HEMK2: variants seen among roughly 807,000 people sequenced by gnomAD.
The protein encoded by HEMK2 is methyltransferase HEMK2.
At chr21:28,727,177 G>A in the HEMK2 span, among the ~76,000 whole-genome samples, 2 of 152,146 alleles carry the variant, frequency 1.3e-5, no homozygotes, top group African/African-American at 4.8e-5. Context: ...AGCAAATATA[G>A]GGGATTTGAG....
chr21:28,763,439 C>T, the HEMK2 span, among the ~76,000 whole-genome samples: 353 of 152,136 alleles, frequency 2.3e-3, 2 homozygotes, highest in African/African-American at 7.8e-3. Flanking sequence ...TCAGCTCTTG[C>T]GTGAACTCAC....
the HEMK2 span, among the ~76,000 whole-genome samples, chr21:28,588,607 G>A: frequency 6.6e-6 from 1 of 152,134 alleles, no homozygotes; most frequent in African/African-American, 2.4e-5. Context: ...TACAAAAGTT[G>A]AAAAACATAC....
At chr21:28,640,089 T>A in the HEMK2 span, among the ~76,000 whole-genome samples, 1 of 152,322 alleles carries the variant, frequency 6.6e-6, no homozygotes, top group Admixed American at 6.5e-5. Context: ...CCACAGTCTC[T>A]GGCACATGGA....
the HEMK2 span, chr21:28,878,466 G>T: frequency 1.1e-6 from 1 of 904,626 alleles, no homozygotes; most frequent in Non-Finnish European, 1.7e-6. Context: ...GAGCAGTCAA[G>T]TTGAATCTAA....
At chr21:28,788,068 G>A in the HEMK2 span, among the ~76,000 whole-genome samples, 1 of 151,014 alleles carries the variant, frequency 6.6e-6, no homozygotes, top group African/African-American at 2.4e-5. Context: ...GCGTGGCACT[G>A]GTATAAAAAA....
chr21:28,635,099 A>G, the HEMK2 span, among the ~76,000 whole-genome samples: 1 of 127,474 alleles, frequency 7.8e-6, no homozygotes, highest in African/African-American at 3.2e-5. Context: ...TAATGTCCTC[A>G]TCTTTTTTTT....
At chr21:28,576,128 T>C in the HEMK2 span, among the ~76,000 whole-genome samples, 1 of 152,242 alleles carries the variant, frequency 6.6e-6, no homozygotes, top group African/African-American at 2.4e-5. Flanking sequence ...CTCTGGGTCA[T>C]ATTGTAAATA....
chr21:28,683,497 CA>C, the HEMK2 span, among the ~76,000 whole-genome samples: 1 of 152,092 alleles, frequency 6.6e-6, no homozygotes, highest in Non-Finnish European at 1.5e-5. Context: ...CCCAAAGAGC[CA>C]GTATCTCGAG....
the HEMK2 span, among the ~76,000 whole-genome samples, chr21:28,646,147 AG>A: frequency 1.3e-5 from 2 of 152,174 alleles, no homozygotes. Context: ...ACATGTTTGC[AG>A]AGGTTTGATG....
At chr21:28,642,652 C>G in the HEMK2 span, among the ~76,000 whole-genome samples, 2 of 152,208 alleles carry the variant, frequency 1.3e-5, no homozygotes, top group East Asian at 3.9e-4. Flanking sequence ...GAAGACTTTA[C>G]TGAGCGGAGG....
the HEMK2 span, among the ~76,000 whole-genome samples, chr21:28,679,157 A>T: frequency 3.3e-5 from 5 of 152,168 alleles, no homozygotes; most frequent in African/African-American, 1.2e-4. Context: ...CCCATCTCAC[A>T]TGCAGAGACA....
At chr21:28,727,718 C>A in the HEMK2 span, among the ~76,000 whole-genome samples, 1 of 152,168 alleles carries the variant, frequency 6.6e-6, no homozygotes, top group African/African-American at 2.4e-5. Flanking sequence ...ACCTGCAATG[C>A]GTAGGTAAAT....
chr21:28,877,405 A>AAAG, the HEMK2 span, among the ~76,000 whole-genome samples: 156 of 148,170 alleles, frequency 1.1e-3, no homozygotes, highest in African/African-American at 3.0e-3. Context: ...AGGGAAGAAA[A>AAAG]AAAAGAAGGA....
the HEMK2 span, among the ~76,000 whole-genome samples, chr21:28,677,763 C>T: frequency 2.6e-5 from 4 of 152,324 alleles, no homozygotes; most frequent in Non-Finnish European, 5.9e-5. Flanking sequence ...CTGCAGCCTC[C>T]GCTGCTGATA....
the HEMK2 span, among the ~76,000 whole-genome samples, chr21:28,799,529 C>G: frequency 6.6e-6 from 1 of 152,194 alleles, no homozygotes; most frequent in Non-Finnish European, 1.5e-5. Flanking sequence ...CTGCATTCAT[C>G]TGTTTCAACA....
chr21:28,878,079 G>A, the HEMK2 span: 2 of 948,758 alleles, frequency 2.1e-6, no homozygotes, highest in Non-Finnish European at 3.0e-6. Context: ...GTGATTAACT[G>A]TTTTAAGTGA....
At chr21:28,877,377 GGAA>G in the HEMK2 span, among the ~76,000 whole-genome samples, 1 of 131,556 alleles carries the variant, frequency 7.6e-6, no homozygotes, top group Non-Finnish European at 1.6e-5. Flanking sequence ...AGAAGGGAAG[GGAA>G]GAAAGAAGGA....
chr21:28,629,792 G>C, the HEMK2 span, among the ~76,000 whole-genome samples: 396 of 152,250 alleles, frequency 2.6e-3, 2 homozygotes, highest in African/African-American at 9.0e-3. Flanking sequence ...CAGTATCCAG[G>C]TTTCCGCAGG....
chr21:28,593,676 G>A, the HEMK2 span, among the ~76,000 whole-genome samples: 3 of 152,126 alleles, frequency 2.0e-5, no homozygotes, highest in African/African-American at 2.4e-5. Flanking sequence ...GGAGCTAAGC[G>A]AAAAAGCTCC....
Sources: allele counts gnomAD v4.1 joint callset (sites outside exome capture counted in the v4.1 genomes callset), GRCh38; gene constraint gnomAD v4.1.1; transcripts MANE v1.5; gene names NCBI Gene and HGNC (gene_info 2026-07-23, HGNC 2026-07-21).